Variants in SLC8A1 observed in about 807,000 individuals in gnomAD.
SLC8A1 encodes the protein sodium/calcium exchanger 1.
Under a neutral mutation model 68.3 loss-of-function variants are expected in SLC8A1, and 18 were observed. The observed-to-expected ratio is 0.26, with a 90% CI of 0.18 to 0.39. The LOEUF is 0.39. Ranked by LOEUF, SLC8A1 falls within the 10% of genes least tolerant of loss-of-function variation. The pLI is 1.00. For synonymous variants in SLC8A1, 475 were observed against 415.5 expected (o/e 1.14, Z -1.74); for missense variants, 985 against 1,156.7 (o/e 0.85, Z 2.15).
chr2:40,152,720 C>T (rs1288116091), intron 6 of SLC8A1, among the ~76,000 whole-genome samples: 1 of 151,980 alleles, frequency 6.6e-6, no homozygotes, highest in Non-Finnish European at 1.5e-5. Context: ...CTGACCTCCT[C>T]TGCAGTTTTG....
rs1438360201 is a variant in SLC8A1, at chr2:40,321,028, A to G, written c.1808+107445T>C. Among the ~76,000 whole-genome samples the G allele has an allele frequency of 2.0e-5, 3 of 152,140 alleles. No individual in the cohort carries two copies. The East Asian group carries it at 5.8e-4, about 29-fold the overall frequency. ...ATGCAAGCCACAGGGAAGAGGCTGT[A>G]AACTCCCTGAATTGGGAGCTAAAAA... On this transcript the variant is annotated intron_variant, in intron 2 of 7. Transcript: ENST00000406785.
At chr2:40,402,192 T>C (rs1054218000) in intron 2 of SLC8A1, among the ~76,000 whole-genome samples, 11 of 152,160 alleles carry the variant, frequency 7.2e-5, no homozygotes, top group African/African-American at 2.7e-4. Flanking sequence ...TCCTCACTGC[T>C]GATTATATGC....
At chr2:40,185,422 T>G (rs1161026899) in intron 2 of SLC8A1, among the ~76,000 whole-genome samples, 2 of 152,194 alleles carry the variant, frequency 1.3e-5, no homozygotes, top group African/African-American at 4.8e-5. Flanking sequence ...AAAGGAATGA[T>G]GTAGTGATAC....
At chr2:40,304,832 C>T (rs868659454) in intron 2 of SLC8A1, among the ~76,000 whole-genome samples, 29 of 152,122 alleles carry the variant, frequency 1.9e-4, no homozygotes, top group African/African-American at 6.3e-4. Flanking sequence ...AGACCTCATG[C>T]GCCCGCCAGA....
chr2:40,242,804 TAGAAA>T (rs778353494), intron 2 of SLC8A1, among the ~76,000 whole-genome samples: 36 of 152,184 alleles, frequency 2.4e-4, no homozygotes, highest in Non-Finnish European at 4.3e-4. Context: ...TAGACTTGCT[TAGAAA>T]AAAAGAGACT....
At chr2:40,389,761 T>C (rs986948442) in intron 2 of SLC8A1, among the ~76,000 whole-genome samples, 2 of 151,396 alleles carry the variant, frequency 1.3e-5, no homozygotes, top group African/African-American at 2.4e-5. Flanking sequence ...TGAGAAATTG[T>C]TTTCAGATAC....
intron 1 of SLC8A1, among the ~76,000 whole-genome samples, chr2:40,484,332 G>A (rs772734590): frequency 1.3e-5 from 2 of 152,190 alleles, no homozygotes; most frequent in Non-Finnish European, 2.9e-5. Context: ...AATGCCAGAG[G>A]AACTGTGGTG....
chr2:40,489,552 G>T (rs942281881), intron 1 of SLC8A1, among the ~76,000 whole-genome samples: 2 of 152,106 alleles, frequency 1.3e-5, no homozygotes, highest in Admixed American at 6.6e-5. Flanking sequence ...GTTCTTCCCA[G>T]CTGGTGTAAC....
intron 7 of SLC8A1, among the ~76,000 whole-genome samples, chr2:40,126,119 G>T (rs1572857139): frequency 6.6e-6 from 1 of 152,110 alleles, no homozygotes; most frequent in African/African-American, 2.4e-5. Flanking sequence ...CTGGTGTTCA[G>T]GTCCTCATGC....
intron 2 of SLC8A1, among the ~76,000 whole-genome samples, chr2:40,392,122 A>G (rs1347973428): frequency 1.3e-5 from 2 of 151,978 alleles, no homozygotes; most frequent in Non-Finnish European, 2.9e-5. Flanking sequence ...AAGAGTGAAC[A>G]AATGAACCAA....
intron 2 of SLC8A1, among the ~76,000 whole-genome samples, chr2:40,196,340 T>A (rs943956043): frequency 2.6e-5 from 4 of 151,964 alleles, no homozygotes; most frequent in African/African-American, 4.8e-5. Context: ...CAAGCATGCA[T>A]TAAAACTTAA....
chr2:40,378,040 T>C (rs1680488416), intron 2 of SLC8A1, among the ~76,000 whole-genome samples: 1 of 152,160 alleles, frequency 6.6e-6, no homozygotes, highest in South Asian at 2.1e-4. Flanking sequence ...CAAATATGTA[T>C]TAATAACCTG....
At chr2:40,308,688 A>G (rs377347411) in intron 2 of SLC8A1, among the ~76,000 whole-genome samples, 1 of 152,150 alleles carries the variant, frequency 6.6e-6, no homozygotes, top group East Asian at 1.9e-4. Flanking sequence ...CTAAAGGTGT[A>G]TTGGGCTCGC....
At chr2:40,181,062 C>A (rs1284741033) in intron 2 of SLC8A1, among the ~76,000 whole-genome samples, 1 of 152,104 alleles carries the variant, frequency 6.6e-6, no homozygotes, top group African/African-American at 2.4e-5. Context: ...CAGGTTCAAG[C>A]GATTCCCCTG....
intron 2 of SLC8A1, among the ~76,000 whole-genome samples, chr2:40,337,987 T>C (rs923525924): frequency 1.3e-5 from 2 of 152,116 alleles, no homozygotes; most frequent in African/African-American, 4.8e-5. Context: ...GACAGCAATA[T>C]GGACAACATC....
exon 8 of SLC8A1, chr2:40,107,860 TCTAA>T (rs1329960992): frequency 3.9e-5 from 6 of 152,244 alleles, no homozygotes; most frequent in Non-Finnish European, 4.4e-5. Flanking sequence ...TAAACAGTTC[TCTAA>T]CTATCATTAT....
At chr2:40,170,300 A>G (rs2047245174) in intron 4 of SLC8A1, 1 of 1,613,964 alleles carries the variant, frequency 6.2e-7, no homozygotes, top group Admixed American at 1.7e-5. Context: ...TGATTACAGT[A>G]GAGAGAATCG....
At chr2:40,463,720 T>G (rs571288306) in intron 1 of SLC8A1, among the ~76,000 whole-genome samples, 2 of 152,206 alleles carry the variant, frequency 1.3e-5, no homozygotes, top group South Asian at 4.1e-4. Context: ...TCAGATTGCT[T>G]GGTGGAATCT....
intron 2 of SLC8A1, among the ~76,000 whole-genome samples, chr2:40,257,433 T>G (rs2064097529): frequency 6.6e-6 from 1 of 152,140 alleles, no homozygotes; most frequent in Non-Finnish European, 1.5e-5. Flanking sequence ...CCTTTTTTTT[T>G]TTTGACCTTT....
Sources: gnomAD v4.1 joint callset for allele counts (sites outside exome capture counted in the v4.1 genomes callset) on GRCh38, gnomAD v4.1.1 for gene constraint, MANE v1.5 for transcripts, NCBI Gene and HGNC (gene_info 2026-07-23, HGNC 2026-07-21) for gene names.